IGF2BP3: variants seen among roughly 807,000 people sequenced by gnomAD.
The protein encoded by IGF2BP3 is insulin like growth factor 2 mRNA binding protein 3.
A neutral mutation model predicts 73.8 loss-of-function variants in IGF2BP3; 9 were observed. That is an observed-to-expected ratio of 0.12 (90% CI 0.07 to 0.21). The LOEUF (loss-of-function observed/expected upper bound fraction) is 0.21, where lower values mean the gene tolerates loss of function less well. IGF2BP3 is among the 10% of genes least tolerant of loss of function. The pLI, the probability that IGF2BP3 is intolerant of heterozygous loss-of-function variation, is 1.00. For synonymous variants in IGF2BP3, 258 were observed against 256.7 expected (o/e 1.01, Z -0.05); for missense variants, 542 against 714.0 (o/e 0.76, Z 2.75).
At chr7:23,409,542 G>A (rs1786951242) in intron 3 of IGF2BP3, among the ~76,000 whole-genome samples, 1 of 152,168 alleles carries the variant, frequency 6.6e-6, no homozygotes, top group Non-Finnish European at 1.5e-5. Context: ...CAAAGGGACA[G>A]ACACATAAAT....
At chr7:23,348,501 G>A (rs1784884891) in intron 6 of IGF2BP3, among the ~76,000 whole-genome samples, 1 of 152,194 alleles carries the variant, frequency 6.6e-6, no homozygotes, top group African/African-American at 2.4e-5. Flanking sequence ...TGTGACTCAA[G>A]AACTGTATTT....
intron 2 of IGF2BP3, among the ~76,000 whole-genome samples, chr7:23,421,565 GC>G (rs907001214): frequency 9.3e-5 from 14 of 150,746 alleles, no homozygotes; most frequent in Admixed American, 8.6e-4. Context: ...GGTGGCACAT[GC>G]CTGTAATCCC....
intron 6 of IGF2BP3, among the ~76,000 whole-genome samples, chr7:23,350,324 A>C (rs755326834): frequency 6.6e-6 from 1 of 152,258 alleles, no homozygotes; most frequent in Non-Finnish European, 1.5e-5. Flanking sequence ...TTTAAAAGGA[A>C]AAATAATCTT....
rs150188278 is a variant in IGF2BP3, at chr7:23,382,640, CTATA to C, written c.286-20903_286-20900del. Among the ~76,000 whole-genome samples the C allele has an allele frequency of 1.2e-4, 19 of 152,126 alleles. No individual in the cohort carries two copies. The East Asian group carries it at 3.5e-3, about 28-fold the overall frequency. ...CCTACCATTAATTTTTATCCAATTG[CTATA>C]CACCTTATGGTAAAACAAAAATGGC... is the stretch of plus-strand genomic sequence containing the variant. On this transcript the variant is annotated intron_variant, in intron 3 of 14. Transcript: ENST00000258729.
At chr7:23,427,842 C>T (rs1319925153) in intron 2 of IGF2BP3, among the ~76,000 whole-genome samples, 3 of 151,954 alleles carry the variant, frequency 2.0e-5, no homozygotes, top group Non-Finnish European at 4.4e-5. Flanking sequence ...CCCATCTCTA[C>T]TAAAAATATA....
intron 3 of IGF2BP3, among the ~76,000 whole-genome samples, chr7:23,364,839 G>C (rs1308212105): frequency 1.3e-5 from 2 of 151,860 alleles, no homozygotes; most frequent in Non-Finnish European, 2.9e-5. Flanking sequence ...TCAGGGACTA[G>C]GAGGTAGTTG....
chr7:23,313,963 C>T (rs1226763617), intron 12 of IGF2BP3, among the ~76,000 whole-genome samples: 4 of 152,274 alleles, frequency 2.6e-5, no homozygotes, highest in East Asian at 1.9e-4. Context: ...AATGGCCATT[C>T]GTACTAAAAT....
In IGF2BP3 at chr7:23,373,967, T is replaced by C. The variant is rs1288402132; in HGVS notation, c.286-12226A>G. Among the ~76,000 whole-genome samples, 3 of 152,226 alleles carry C rather than the reference T, an allele frequency of 2.0e-5. No individual in the cohort carries two copies. In the East Asian group the frequency reaches 5.8e-4, roughly 29 times the overall value. On this transcript the variant is annotated intron_variant, in intron 3 of 14. Transcript: ENST00000258729. ...GCCCACTCCCCTCTACCTTTCACCA[T>C]GAGTAAATGCTTTCTGGGCCTTGCC...
At chr7:23,413,016 C>T (rs1265067627) in intron 3 of IGF2BP3, among the ~76,000 whole-genome samples, 1 of 150,812 alleles carries the variant, frequency 6.6e-6, no homozygotes, top group East Asian at 2.0e-4. Flanking sequence ...TGTGCCACCA[C>T]ACCCGGCTAA....
intron 10 of IGF2BP3, among the ~76,000 whole-genome samples, chr7:23,322,367 G>C (rs1784180443): frequency 6.6e-6 from 1 of 152,108 alleles, no homozygotes; most frequent in Non-Finnish European, 1.5e-5. Context: ...GGGAAGTTTA[G>C]AGAAAAAAGA....
intron 2 of IGF2BP3, among the ~76,000 whole-genome samples, chr7:23,458,007 G>C (rs973614550): frequency 6.6e-6 from 1 of 152,156 alleles, no homozygotes; most frequent in Non-Finnish European, 1.5e-5. Flanking sequence ...CCATGTTTCT[G>C]TTATCACCAT....
chr7:23,375,318 T>C (rs987624435), intron 3 of IGF2BP3, among the ~76,000 whole-genome samples: 4 of 152,104 alleles, frequency 2.6e-5, no homozygotes, highest in Non-Finnish European at 5.9e-5. Flanking sequence ...TGGAATTCAA[T>C]AGGTGGGAGT....
At chr7:23,355,775 G>C (rs1785081215) in intron 5 of IGF2BP3, among the ~76,000 whole-genome samples, 1 of 151,892 alleles carries the variant, frequency 6.6e-6, no homozygotes, top group South Asian at 2.1e-4. Context: ...TCTACTAAAA[G>C]TACAAAAATT....
At chr7:23,398,019 A>G (rs1043002058) in intron 3 of IGF2BP3, among the ~76,000 whole-genome samples, 1 of 152,138 alleles carries the variant, frequency 6.6e-6, no homozygotes, top group Admixed American at 6.5e-5. Context: ...GTACACTTTG[A>G]AAGAGGAAAC....
Position 23,469,671 on chromosome 7 carries a change from GC to G in IGF2BP3, c.175+264del, listed in dbSNP as rs939908332. ...GGGAGCGCGCCTCCCCCAGCCCCGC[GC>G]CCCCCTTAGCCAGCGCCGGGGCTTT... On this transcript the variant is annotated intron_variant, in intron 1 of 14. Transcript: ENST00000258729. The surrounding 1 kb of genome is among the most constrained non-coding windows in gnomAD (Gnocchi z 6.1). 7.3e-5 allele frequency among the ~76,000 whole-genome samples: 11 copies of G among 151,478 alleles called. No individual in the cohort carries two copies. Among genetic ancestry groups the G allele is most frequent in the Non-Finnish European group, 1.3e-4 (9 of 67,746 alleles).
intron 3 of IGF2BP3, among the ~76,000 whole-genome samples, chr7:23,398,120 T>A (rs1432387449): frequency 2.1e-5 from 3 of 140,132 alleles, no homozygotes; most frequent in Non-Finnish European, 3.1e-5. Flanking sequence ...TGTCCATGTG[T>A]TCTCATTGTT....
chr7:23,468,399 G>T (rs1290532830), intron 2 of IGF2BP3, 83 bp downstream of exon 2: 3 of 1,411,610 alleles, frequency 2.1e-6, no homozygotes, highest in Non-Finnish European at 3.0e-6. Flanking sequence ...GTAAGCACCA[G>T]AGGACAAGAA....
intron 2 of IGF2BP3, among the ~76,000 whole-genome samples, chr7:23,422,234 A>C (rs556057740): frequency 6.6e-6 from 1 of 152,330 alleles, no homozygotes; most frequent in Non-Finnish European, 1.5e-5. Flanking sequence ...TAGAGAGTTC[A>C]GGTTAATTAG....
At chr7:23,454,281 A>C (rs1014669025) in intron 2 of IGF2BP3, among the ~76,000 whole-genome samples, 1 of 152,176 alleles carries the variant, frequency 6.6e-6, no homozygotes, top group Admixed American at 6.5e-5. Context: ...AGATAATTCC[A>C]TAACTAAACA....
Sources: gnomAD v4.1 joint callset for allele counts (sites outside exome capture counted in the v4.1 genomes callset) on GRCh38, gnomAD v4.1.1 for gene constraint, Gnocchi (gnomAD v3.1) non-coding constraint, MANE v1.5 for transcripts, NCBI Gene and HGNC (gene_info 2026-07-23, HGNC 2026-07-21) for gene names.